The following RPRD1B variants were observed in gnomAD, a reference collection of about 807,000 sequenced individuals.
The protein encoded by RPRD1B is regulation of nuclear pre-mRNA domain containing 1B.
Under a neutral mutation model 41.5 loss-of-function variants are expected in RPRD1B, and 11 were observed. The ratio of observed to expected loss-of-function variants is 0.27; its 90% confidence interval spans 0.17 to 0.44. The LOEUF is 0.44. RPRD1B is among the 20% of genes least tolerant of loss of function. The pLI is 1.00. For synonymous variants in RPRD1B, 158 were observed against 155.6 expected, an observed-to-expected ratio of 1.02 and a Z score of -0.12; for missense variants, 248 against 389.9, an observed-to-expected ratio of 0.64 and a Z score of 3.06.
rs988453028 is a variant in RPRD1B, at chr20:38,057,520, T to A, written c.416-12T>A. The A allele has an allele frequency of 1.3e-5, 20 of 1,598,172 alleles. No individual in the cohort carries two copies. The highest frequency in any genetic ancestry group is 1.7e-5 in the Non-Finnish European group (20 of 1,165,528). Reference sequence around the variant, plus strand: ...TATGTGACTCAAATTTATTACTTTCTCTTTTGTCTAGCAACAGAAGAGAAG... The same window carrying A: ...TATGTGACTCAAATTTATTACTTTCACTTTTGTCTAGCAACAGAAGAGAAG... On this transcript the variant is annotated splice_polypyrimidine_tract_variant and intron_variant, in intron 3 of 6. Coordinates refer to ENST00000373433, the MANE Select transcript of RPRD1B (RefSeq NM_021215.4).
chr20:38,046,619 T>G (rs1437859341), intron 2 of RPRD1B, among the ~76,000 whole-genome samples: 1 of 152,152 alleles, frequency 6.6e-6, no homozygotes, highest in Non-Finnish European at 1.5e-5. Context: ...ACACTGAAGG[T>G]GGTGTAACTA....
chr20:38,069,675 C>G (rs1370310036), intron 6 of RPRD1B, among the ~76,000 whole-genome samples: 1 of 152,208 alleles, frequency 6.6e-6, no homozygotes, highest in Admixed American at 6.5e-5. Flanking sequence ...AGGGCTTATG[C>G]TCTAGTCAGG....
chr20:38,064,417 C>T (rs2074331687), intron 5 of RPRD1B, among the ~76,000 whole-genome samples: 1 of 152,234 alleles, frequency 6.6e-6, no homozygotes, highest in Admixed American at 6.5e-5. Flanking sequence ...GCTCTCACCT[C>T]TGACAGCCTG....
At chr20:38,044,216 ACACG>A (rs1282991102) in intron 2 of RPRD1B, among the ~76,000 whole-genome samples, 1 of 152,140 alleles carries the variant, frequency 6.6e-6, no homozygotes, top group African/African-American at 2.4e-5. Flanking sequence ...TATTCCACAA[ACACG>A]CTTAATTCCT....
chr20:38,035,405 G>T (rs1195658269), intron 1 of RPRD1B, among the ~76,000 whole-genome samples: 2 of 152,220 alleles, frequency 1.3e-5, no homozygotes. Context: ...CTGCTCTACA[G>T]GTGAGGAAAC....
Position 38,034,074 on chromosome 20 carries a change from G to C in RPRD1B, c.127G>C (p.Val43Leu). ...CAAGCACGCGGGACCCATCGTCTCC[G>C]TGTGGCACCGCGAGCTCCGCAAAGG... ...HRKHAGPIVS[V>L]WHRELRKAKS... The change falls in exon 1 of 7, where the codon GTG (valine) becomes CTG (leucine). Residue 43 changes from valine (V) to leucine (L), a missense_variant. This residue lies in a region of RPRD1B where 47 missense variants were observed against 103.6 expected (regional missense o/e 0.45). Transcript: ENST00000373433. The C allele has an allele frequency of 6.2e-7, 1 of 1,613,998 alleles. No homozygotes were observed. Among genetic ancestry groups the C allele is most frequent in the East Asian group, 2.2e-5 (1 of 44,870 alleles).
chr20:38,078,195 A>G (rs1600436162), intron 6 of RPRD1B, among the ~76,000 whole-genome samples: 1 of 148,756 alleles, frequency 6.7e-6, no homozygotes, highest in Non-Finnish European at 1.5e-5. Flanking sequence ...CTATGGGCCC[A>G]GCTGCTGGCC....
intron 2 of RPRD1B, among the ~76,000 whole-genome samples, chr20:38,047,905 T>C (rs1463378363): frequency 6.6e-6 from 1 of 152,202 alleles, no homozygotes; most frequent in Non-Finnish European, 1.5e-5. Context: ...GTAGAGGTGT[T>C]GGTGTGTTAG....
chr20:38,090,558 A>G lies in RPRD1B; in HGVS notation c.*683A>G. On this transcript the variant is annotated 3_prime_UTR_variant, in exon 7 of 7. Transcript: ENST00000373433. ...AGACAGAATAACAGGGATCACAAGC[A>G]TGAATTAAAAGGAATTTATTTGCTT... is the stretch of plus-strand genomic sequence containing the variant. 5.1e-6 allele frequency: 5 copies of G among 985,898 alleles called. No homozygotes were observed. Among genetic ancestry groups the G allele is most frequent in the Non-Finnish European group, 6.0e-6 (5 of 829,948 alleles). The allele number at this position is 985,898 out of a possible 1,614,324, so 61.1% of individuals were successfully genotyped here.
chr20:38,048,669 T>C (rs923794718), intron 3 of RPRD1B, 188 bp downstream of exon 3: 8 of 860,304 alleles, frequency 9.3e-6, no homozygotes, highest in African/African-American at 5.5e-5. Context: ...CTAGTATTCA[T>C]GCTATTCATC....
intron 3 of RPRD1B, among the ~76,000 whole-genome samples, chr20:38,057,009 C>G (rs1417971271): frequency 6.6e-6 from 1 of 152,122 alleles, no homozygotes; most frequent in Non-Finnish European, 1.5e-5. Flanking sequence ...TCAGTAGTAT[C>G]AATCACATGT....
chr20:38,086,725 C>A (rs76423214), intron 6 of RPRD1B, among the ~76,000 whole-genome samples: 3,423 of 152,286 alleles, frequency 0.022, 111 homozygotes, highest in African/African-American at 0.077. Flanking sequence ...CCTGCTCTTA[C>A]AATAGGCGTC....
chr20:38,086,374 T>C (rs1270470991), intron 6 of RPRD1B, among the ~76,000 whole-genome samples: 5 of 152,248 alleles, frequency 3.3e-5, no homozygotes, highest in African/African-American at 9.6e-5. Context: ...AGCAGGTACA[T>C]GTTTTAACAG....
chr20:38,077,701 C>A (rs1424257930), intron 6 of RPRD1B, among the ~76,000 whole-genome samples: 1 of 152,200 alleles, frequency 6.6e-6, no homozygotes, highest in African/African-American at 2.4e-5. Context: ...TCCACTCTGT[C>A]ATCATCTGTC....
chr20:38,083,835 C>T (rs2074536448), intron 6 of RPRD1B: 1 of 152,132 alleles, frequency 6.6e-6, no homozygotes, highest in South Asian at 2.1e-4. Flanking sequence ...CTCAGCAGCT[C>T]CCGCCGTGCT....
intron 2 of RPRD1B, 45 bp from the exon 3 acceptor site, chr20:38,048,302 CA>C: frequency 6.4e-7 from 1 of 1,551,756 alleles, no homozygotes; most frequent in Non-Finnish European, 8.8e-7. Context: ...TAATTAAAAG[CA>C]AAAAATCTTA....
In RPRD1B at chr20:38,090,750, G is replaced by A. The variant is rs2122781342; in HGVS notation, c.*875G>A. 2.0e-6 allele frequency: 2 copies of A among 985,552 alleles called. No homozygotes were observed. Among genetic ancestry groups the A allele is most frequent in the African/African-American group, 3.5e-5 (2 of 57,382 alleles). 61.1% of individuals were successfully genotyped at this position (985,552 alleles called of 1,614,324 possible). ...CCCCACACACAGGTGTGCTGCATTT[G>A]GGATCTGTGTGGGTGTTTCTTGGAC... On this transcript the variant is annotated 3_prime_UTR_variant, in exon 7 of 7. Coordinates refer to ENST00000373433, the MANE Select transcript of RPRD1B (RefSeq NM_021215.4).
chr20:38,089,556 T>TG (rs1450311182), intron 6 of RPRD1B, among the ~76,000 whole-genome samples, 170 bp from the exon 7 acceptor site: 1 of 152,204 alleles, frequency 6.6e-6, no homozygotes, highest in Non-Finnish European at 1.5e-5. Context: ...ATAGAAAGTT[T>TG]TGCCTTTTGA....
chr20:38,034,481 G>C (rs540923004), intron 1 of RPRD1B, among the ~76,000 whole-genome samples: 9 of 152,326 alleles, frequency 5.9e-5, no homozygotes, highest in Non-Finnish European at 1.0e-4. Context: ...AGACTCTGCA[G>C]ATCGAGTCCT....
Sources: gnomAD v4.1 joint callset for allele counts (sites outside exome capture counted in the v4.1 genomes callset) on GRCh38, gnomAD v4.1.1 for gene constraint, gnomAD v4.1.1 regional missense constraint, MANE v1.5 for transcripts, NCBI Gene and HGNC (gene_info 2026-07-23, HGNC 2026-07-21) for gene names.